EPHA6: variants seen among roughly 807,000 people sequenced by gnomAD.
The protein encoded by EPHA6 is EPH receptor A6, also known as ephrin type-A receptor 6.
In EPHA6, 50 loss-of-function variants were observed where a neutral mutation model predicts 112.0. The observed-to-expected ratio is 0.45, with a 90% CI of 0.36 to 0.56. The LOEUF (loss-of-function observed/expected upper bound fraction) is 0.56. EPHA6 is among the 20% of genes least tolerant of loss of function. The probability of loss-of-function intolerance (pLI) is 0.00; values close to 1 mark genes in which losing one functional copy is unlikely to be tolerated. For synonymous variants in EPHA6, 529 were observed against 490.7 expected, an observed-to-expected ratio of 1.08 and a Z score of -1.03; for missense variants, 1,280 against 1,417.4, an observed-to-expected ratio of 0.90 and a Z score of 1.56.
chr3:97,071,480 C>T (rs533799613), intron 3 of EPHA6, among the ~76,000 whole-genome samples: 80 of 152,018 alleles, frequency 5.3e-4, no homozygotes, highest in South Asian at 1.0e-3. Flanking sequence ...AGAATCATGG[C>T]GGAAGGTGAA....
At chr3:97,599,118 A>C (rs1232134733) in intron 12 of EPHA6, among the ~76,000 whole-genome samples, 5 of 151,146 alleles carry the variant, frequency 3.3e-5, no homozygotes, top group Admixed American at 1.3e-4. Flanking sequence ...GGGTTGTTTG[A>C]TTTTTTCTTG....
At chr3:96,851,136 G>T (rs2035358748) in intron 1 of EPHA6, among the ~76,000 whole-genome samples, 1 of 152,038 alleles carries the variant, frequency 6.6e-6, no homozygotes, top group Non-Finnish European at 1.5e-5. Flanking sequence ...CAATTTAGTG[G>T]ATTTTAAACT....
chr3:97,236,343 C>A (rs1016376424), intron 4 of EPHA6, among the ~76,000 whole-genome samples: 1 of 151,602 alleles, frequency 6.6e-6, no homozygotes, highest in Non-Finnish European at 1.5e-5. Flanking sequence ...ACGTAAGAGT[C>A]TAATAGGTGG....
chr3:97,743,369 G>A (rs1473425226), intron 16 of EPHA6, among the ~76,000 whole-genome samples: 5 of 151,986 alleles, frequency 3.3e-5, no homozygotes, highest in Admixed American at 6.6e-5. Flanking sequence ...TCCTGCCCTC[G>A]GGGAGTTTTC....
intron 3 of EPHA6, among the ~76,000 whole-genome samples, chr3:97,086,043 T>C (rs1416157118): frequency 1.3e-5 from 2 of 151,068 alleles, no homozygotes; most frequent in East Asian, 3.9e-4. Flanking sequence ...CAAGCGACTC[T>C]CTTGCCTCGG....
intron 3 of EPHA6, among the ~76,000 whole-genome samples, chr3:97,124,124 C>G (rs2108309818): frequency 6.6e-6 from 1 of 152,006 alleles, no homozygotes; most frequent in East Asian, 1.9e-4. Context: ...AGCAAGGAAA[C>G]AGGATGGTAA....
chr3:97,600,443 C>T (rs1330497759), intron 12 of EPHA6, among the ~76,000 whole-genome samples: 3 of 151,426 alleles, frequency 2.0e-5, no homozygotes, highest in Admixed American at 6.6e-5. Context: ...TACGTCCCAT[C>T]AATACCTAAT....
intron 5 of EPHA6, among the ~76,000 whole-genome samples, chr3:97,395,238 A>AGAT (rs1348964562): frequency 6.6e-6 from 1 of 151,870 alleles, no homozygotes; most frequent in Non-Finnish European, 1.5e-5. Context: ...TGCAGGAAAT[A>AGAT]GATAACAATA....
At chr3:97,637,222 T>C (rs1270066888) in intron 13 of EPHA6, among the ~76,000 whole-genome samples, 1 of 152,194 alleles carries the variant, frequency 6.6e-6, no homozygotes, top group African/African-American at 2.4e-5. Flanking sequence ...ATCCTTCCAA[T>C]CAGGAGCTAA....
chr3:97,464,603 T>C (rs1217537322), intron 7 of EPHA6, among the ~76,000 whole-genome samples: 1 of 151,998 alleles, frequency 6.6e-6, no homozygotes, highest in Non-Finnish European at 1.5e-5. Flanking sequence ...CACCGTTAGA[T>C]ACACTCTAGA....
At chr3:96,918,786 A>G (rs2039613057) in intron 2 of EPHA6, among the ~76,000 whole-genome samples, 1 of 152,020 alleles carries the variant, frequency 6.6e-6, no homozygotes, top group Non-Finnish European at 1.5e-5. Context: ...TTTGATACAC[A>G]GCATTTTGTA....
At chr3:96,975,048 A>C (rs2042468044) in intron 2 of EPHA6, among the ~76,000 whole-genome samples, 1 of 152,106 alleles carries the variant, frequency 6.6e-6, no homozygotes, top group Non-Finnish European at 1.5e-5. Flanking sequence ...AGCCTTTACT[A>C]GGGTTTCTGA....
At chr3:96,926,303 C>T (rs1044771593) in intron 2 of EPHA6, among the ~76,000 whole-genome samples, 11 of 152,256 alleles carry the variant, frequency 7.2e-5, no homozygotes, top group African/African-American at 2.2e-4. Context: ...TCACCTCCCA[C>T]CAGGCCCCTT....
At chr3:96,979,963 A>G (rs2042693042) in intron 2 of EPHA6, among the ~76,000 whole-genome samples, 1 of 152,164 alleles carries the variant, frequency 6.6e-6, no homozygotes, top group East Asian at 1.9e-4. Context: ...CCTTTGTCAG[A>G]TGAGTAGATT....
chr3:96,941,910 GCGGTGGCTGT>G (rs2040973203), intron 2 of EPHA6, among the ~76,000 whole-genome samples: 1 of 152,206 alleles, frequency 6.6e-6, no homozygotes, highest in African/African-American at 2.4e-5. Context: ...CTGTAGAACA[GCGGTGGCTGT>G]AGAACAGCGG....
intron 3 of EPHA6, among the ~76,000 whole-genome samples, chr3:97,188,866 A>G (rs1165198419): frequency 1.3e-5 from 2 of 152,032 alleles, no homozygotes; most frequent in Non-Finnish European, 2.9e-5. Context: ...AAAATCTAGA[A>G]GAACATAGGC....
intron 1 of EPHA6, among the ~76,000 whole-genome samples, chr3:96,848,341 C>A (rs2035194292): frequency 6.6e-6 from 1 of 151,858 alleles, no homozygotes; most frequent in Non-Finnish European, 1.5e-5. Context: ...TATTAGTTAC[C>A]AAATCAATTG....
At chr3:97,037,767 C>G (rs1410196933) in intron 3 of EPHA6, among the ~76,000 whole-genome samples, 1 of 152,030 alleles carries the variant, frequency 6.6e-6, no homozygotes, top group East Asian at 1.9e-4. Context: ...CAGTGACATA[C>G]AAGAGGATAT....
chr3:97,066,067 A>G lies in EPHA6; in HGVS notation c.1114+78074A>G, dbSNP rs1576423449. 3.3e-5 allele frequency among the ~76,000 whole-genome samples: 5 copies of G among 152,230 alleles called. 1 individual carries two copies. In the East Asian group the frequency reaches 9.6e-4, roughly 29 times the overall value. On this transcript the variant is annotated intron_variant, in intron 3 of 17. Coordinates refer to ENST00000389672, the MANE Select transcript of EPHA6 (RefSeq NM_001080448.3). ...TTTAGAAGCTCATGATGGGTGTTCA[A>G]TAAATATTTGTTGAATGAATTAATG...
Sources: allele counts gnomAD v4.1 joint callset (sites outside exome capture counted in the v4.1 genomes callset), GRCh38; gene constraint gnomAD v4.1.1; transcripts MANE v1.5; gene names NCBI Gene and HGNC (gene_info 2026-07-23, HGNC 2026-07-21).